The following RSBN1L variants were observed in gnomAD, a reference collection of about 807,000 sequenced individuals.
The protein encoded by RSBN1L is round spermatid basic protein 1 like, also known as lysine-specific demethylase RSBN1L.
Under a neutral mutation model 67.7 loss-of-function variants are expected in RSBN1L, and 30 were observed. That is an observed-to-expected ratio of 0.44 (90% CI 0.33 to 0.60). The LOEUF is 0.60. Ranked by LOEUF, RSBN1L falls within the 20% of genes least tolerant of loss-of-function variation. The pLI is 0.02. For synonymous variants in RSBN1L, 433 were observed against 387.0 expected, an observed-to-expected ratio of 1.12 and a Z score of -1.39; for missense variants, 992 against 1,031.7, an observed-to-expected ratio of 0.96 and a Z score of 0.53.
intron 5 of RSBN1L, 64 bp downstream of exon 5, chr7:77,768,867 G>C: frequency 7.0e-7 from 1 of 1,438,056 alleles, no homozygotes. Context: ...GTGTATGTTA[G>C]TTGAAAATTG....
At chr7:77,698,482 C>A (rs1395851419) in intron 1 of RSBN1L, among the ~76,000 whole-genome samples, 1 of 152,120 alleles carries the variant, frequency 6.6e-6, no homozygotes, top group Non-Finnish European at 1.5e-5. Context: ...TGTAAGTTCT[C>A]TGAAAGAGGA....
chr7:77,727,089 CTT>C (rs35249892), intron 1 of RSBN1L, among the ~76,000 whole-genome samples: 13 of 116,930 alleles, frequency 1.1e-4, no homozygotes, highest in Admixed American at 2.7e-4. Context: ...CCATCATCTG[CTT>C]TTTTTTTTTT....
chr7:77,755,912 A>G (rs1208156925), intron 3 of RSBN1L, among the ~76,000 whole-genome samples: 1 of 152,174 alleles, frequency 6.6e-6, no homozygotes, highest in Non-Finnish European at 1.5e-5. Context: ...AATGCTTTCT[A>G]CAGAGCAGAG....
At chr7:77,726,985 G>A (rs2150418142) in intron 1 of RSBN1L, among the ~76,000 whole-genome samples, 1 of 151,858 alleles carries the variant, frequency 6.6e-6, no homozygotes, top group Non-Finnish European at 1.5e-5. Context: ...GTTTCACCAT[G>A]TTGGCCAGGA....
chr7:77,764,245 G>C (rs1351578602), intron 3 of RSBN1L, among the ~76,000 whole-genome samples: 1 of 152,236 alleles, frequency 6.6e-6, no homozygotes, highest in Non-Finnish European at 1.5e-5. Flanking sequence ...TCCAGAGAAA[G>C]AGACAATTAC....
Position 77,752,772 on chromosome 7 carries a change from C to T in RSBN1L, c.1344+2708C>T, listed in dbSNP as rs551093317. On this transcript the variant is annotated intron_variant, in intron 3 of 7. Coordinates refer to ENST00000334955, the MANE Select transcript of RSBN1L (RefSeq NM_198467.3). Reference sequence around the variant, plus strand: ...ATTGTTAATAGCCAGAAACCATCCCCGAACCCTTCTTTATCAGTACTGTGC... The same window carrying T: ...ATTGTTAATAGCCAGAAACCATCCCTGAACCCTTCTTTATCAGTACTGTGC... Among the ~76,000 whole-genome samples, 22 of 152,318 alleles carry T rather than the reference C, an allele frequency of 1.4e-4. No individual in the cohort carries two copies. The South Asian group carries it at 2.7e-3, about 19-fold the overall frequency.
intron 5 of RSBN1L, among the ~76,000 whole-genome samples, chr7:77,770,410 T>G (rs1487361939): frequency 1.3e-5 from 2 of 151,778 alleles, no homozygotes; most frequent in Admixed American, 6.6e-5. Flanking sequence ...CCAGGTGCAG[T>G]GGCTCTTTCA....
chr7:77,769,799 T>C (rs1044066793), intron 5 of RSBN1L, among the ~76,000 whole-genome samples: 7 of 152,216 alleles, frequency 4.6e-5, no homozygotes, highest in African/African-American at 1.7e-4. Context: ...GCAAAAATTA[T>C]GAATATAGCA....
rs574706859 is a variant in RSBN1L at position 77,782,145 on chromosome 7, T to G, written c.*2977T>G. ...ACAATCTGAGAACTTGTTGACTACC[T>G]TTGTTACATGCAAAAATTTTCTATT... On this transcript the variant is annotated 3_prime_UTR_variant, in exon 8 of 8. Coordinates refer to ENST00000334955, the MANE Select transcript of RSBN1L (RefSeq NM_198467.3). 3.3e-5 allele frequency: 5 copies of G among 152,246 alleles called. No individual in the cohort carries two copies. The South Asian group carries it at 1.0e-3, about 32-fold the overall frequency. 9.4% of individuals were successfully genotyped at this position (152,246 alleles called of 1,614,324 possible).
rs1791962425 is a variant in RSBN1L at position 77,779,228 on chromosome 7, A to C, written c.*60A>C. 4.0e-6 allele frequency: 5 copies of C among 1,240,706 alleles called. No individual in the cohort carries two copies. Among genetic ancestry groups the C allele is most frequent in the Non-Finnish European group, 5.6e-6 (5 of 899,044 alleles). 76.9% of individuals were successfully genotyped at this position (1,240,706 alleles called of 1,614,324 possible). On this transcript the variant is annotated 3_prime_UTR_variant, in exon 8 of 8. Transcript: ENST00000334955. Reference sequence around the variant, plus strand: ...AAATTTAATGTAATAAAGATTCATGAATTCTGAAAGCAAGCCAAGGACTTG... The same window carrying C: ...AAATTTAATGTAATAAAGATTCATGCATTCTGAAAGCAAGCCAAGGACTTG...
intron 1 of RSBN1L, among the ~76,000 whole-genome samples, chr7:77,717,990 G>T (rs1013746715): frequency 2.0e-5 from 3 of 152,364 alleles, no homozygotes; most frequent in East Asian, 1.9e-4. Flanking sequence ...CTGCACTCCA[G>T]TCGGGGCGAC....
intron 3 of RSBN1L, among the ~76,000 whole-genome samples, chr7:77,760,147 A>G (rs1791681378): frequency 6.6e-6 from 1 of 152,232 alleles, no homozygotes; most frequent in South Asian, 2.1e-4. Context: ...TCCTGTTAAG[A>G]ATAGGCTACT....
intron 1 of RSBN1L, among the ~76,000 whole-genome samples, chr7:77,725,111 T>C (rs1041128381): frequency 6.6e-6 from 1 of 151,782 alleles, no homozygotes; most frequent in African/African-American, 2.4e-5. Context: ...TCCAAAATGC[T>C]GGGATTACAG....
At position 77,781,335 on chromosome 7, in the gene RSBN1L, G is replaced by A. The variant is rs17157768; in HGVS notation, c.*2167G>A. 6.6e-6 allele frequency: 1 copy of A among 152,150 alleles called. No homozygotes were observed. Among genetic ancestry groups the A allele is most frequent in the Non-Finnish European group, 1.5e-5 (1 of 68,016 alleles). The allele number at this position is 152,150 out of a possible 1,614,324, so 9.4% of individuals were successfully genotyped here. ...CCACCTATTTAATCTTCTGTTTTAA[G>A]CTAAATTTATGGATTTGCACCTACC... is the stretch of plus-strand genomic sequence containing the variant. On this transcript the variant is annotated 3_prime_UTR_variant, in exon 8 of 8. Coordinates refer to ENST00000334955, the MANE Select transcript of RSBN1L (RefSeq NM_198467.3).
intron 2 of RSBN1L, among the ~76,000 whole-genome samples, chr7:77,741,928 C>T (rs1424817204): frequency 6.6e-6 from 1 of 151,878 alleles, no homozygotes; most frequent in African/African-American, 2.4e-5. Context: ...GTAAAGAATG[C>T]ATTTTGCCTG....
chr7:77,708,934 G>A (rs556260472), intron 1 of RSBN1L, among the ~76,000 whole-genome samples: 1 of 152,276 alleles, frequency 6.6e-6, no homozygotes, highest in South Asian at 2.1e-4. Flanking sequence ...CTTGATTATT[G>A]AATATGTAGC....
chr7:77,722,262 A>G (rs528964645), intron 1 of RSBN1L, among the ~76,000 whole-genome samples: 95 of 152,286 alleles, frequency 6.2e-4, no homozygotes, highest in African/African-American at 2.2e-3. Context: ...TTAGTTTGCC[A>G]CAGGGTTATA....
intron 1 of RSBN1L, among the ~76,000 whole-genome samples, chr7:77,705,528 T>G (rs989350806): frequency 1.3e-5 from 2 of 149,580 alleles, no homozygotes; most frequent in Non-Finnish European, 3.0e-5. Flanking sequence ...TTTTTTTTTT[T>G]TGTGATGGAG....
chr7:77,766,202 A>G (rs761869543), intron 4 of RSBN1L, among the ~76,000 whole-genome samples: 5 of 152,136 alleles, frequency 3.3e-5, no homozygotes, highest in Non-Finnish European at 5.9e-5. Context: ...CCTCTATTTA[A>G]TTTATTTTTT....
Sources: allele counts gnomAD v4.1 joint callset (sites outside exome capture counted in the v4.1 genomes callset), GRCh38; gene constraint gnomAD v4.1.1; transcripts MANE v1.5; gene names NCBI Gene and HGNC (gene_info 2026-07-23, HGNC 2026-07-21).